The following CDK5RAP2 variants were observed in gnomAD, a reference collection of about 807,000 sequenced individuals.
CDK5RAP2 encodes CDK5 regulatory subunit-associated protein 2.
In CDK5RAP2, 147 loss-of-function variants were observed where a neutral mutation model predicts 232.9. The observed-to-expected ratio is 0.63, with a 90% CI of 0.55 to 0.72. The LOEUF (loss-of-function observed/expected upper bound fraction) is 0.72, where lower values mean the gene tolerates loss of function less well. CDK5RAP2 is among the 30% of genes least tolerant of loss of function. CDK5RAP2 has a pLI of 0.00. For missense variants in CDK5RAP2, 2,195 were observed against 2,231.5 expected (o/e 0.98, Z 0.33); for synonymous variants, 833 against 833.7 (o/e 1.00, Z 0.01).
At position 120,439,412 on chromosome 9, in the gene CDK5RAP2, G is replaced by T; in HGVS notation, c.3709C>A (p.Leu1237Ile). The T allele has an allele frequency of 1.2e-6, 2 of 1,613,950 alleles. No homozygotes were observed. The highest frequency in any genetic ancestry group is 1.3e-5 in the African/African-American group (1 of 75,054). Residue 1237 changes from leucine to isoleucine, a missense_variant, in exon 24 of 38, where the codon CTC becomes ATC. Coordinates refer to ENST00000349780, the MANE Select transcript of CDK5RAP2 (RefSeq NM_018249.6). ...IHNLQNKFRD[L>I]SPPRYDSLVQ... is the part of the protein sequence containing the mutation. ...GGTGGAACGTACCTGGGAGGTGAGA[G>T]ATCTCTGAACTTATTCTGCAGATTA...
At chr9:120,549,871 G>A (rs2041987408) in intron 4 of CDK5RAP2, among the ~76,000 whole-genome samples, 1 of 152,150 alleles carries the variant, frequency 6.6e-6, no homozygotes, top group Admixed American at 6.5e-5. Flanking sequence ...ACTTTCATAA[G>A]GGACAAAGAA....
At chr9:120,406,736 G>T in intron 32 of CDK5RAP2, 1 of 519,442 alleles carries the variant, frequency 1.9e-6, no homozygotes, top group East Asian at 3.2e-5. Context: ...GGACTAAATG[G>T]ATAGGAGGGA....
chr9:120,481,917 T>C (rs2038340028), intron 14 of CDK5RAP2, among the ~76,000 whole-genome samples: 1 of 152,230 alleles, frequency 6.6e-6, no homozygotes, highest in Non-Finnish European at 1.5e-5. Flanking sequence ...CTCAGAATGA[T>C]GCCCGGCTTG....
chr9:120,458,784 G>C (rs774451090), intron 19 of CDK5RAP2, among the ~76,000 whole-genome samples, 162 bp from the exon 20 acceptor site: 3 of 150,464 alleles, frequency 2.0e-5, no homozygotes, highest in Non-Finnish European at 4.4e-5. Context: ...AGGAGGAAGA[G>C]AGAGAGACAC....
chr9:120,536,617 A>G, intron 6 of CDK5RAP2, 91 bp from the exon 7 acceptor site: 1 of 1,232,794 alleles, frequency 8.1e-7, no homozygotes, highest in Non-Finnish European at 1.2e-6. Flanking sequence ...AATATTTATG[A>G]CTTCTTCTCC....
At chr9:120,533,791 T>C (rs1588591651) in intron 7 of CDK5RAP2, among the ~76,000 whole-genome samples, 2 of 90,038 alleles carry the variant, frequency 2.2e-5, no homozygotes, top group African/African-American at 4.7e-5. Flanking sequence ...GAGTTAAGAC[T>C]CCATCTAAAA....
In CDK5RAP2 at chr9:120,439,796, T is replaced by C. The variant is rs1296373708; in HGVS notation, c.3325A>G (p.Thr1109Ala). ...TGGATTTTCTGTTTTAAGTATTCTG[T>C]CTCATTTGAGGTATTAATGCTCTCT... Reference protein sequence around the residue: ...QSESINTSNETEYLKQKIHDL... With the variant: ...QSESINTSNEAEYLKQKIHDL... Residue 1109 changes from threonine (T) to alanine (A), a missense_variant, in exon 24 of 38, where the codon ACA (threonine) becomes GCA (alanine). Physicochemically the swap from Thr to Ala is moderately conservative, Grantham distance 58. Coordinates refer to ENST00000349780, the MANE Select transcript of CDK5RAP2 (RefSeq NM_018249.6). The C allele has an allele frequency of 6.2e-7, 1 of 1,614,178 alleles. No homozygotes were observed.
chr9:120,540,449 C>A (rs1461725290), intron 5 of CDK5RAP2, among the ~76,000 whole-genome samples: 6 of 152,122 alleles, frequency 3.9e-5, no homozygotes, highest in Non-Finnish European at 5.9e-5. Context: ...TTACTGAGAA[C>A]AATGGAAAGT....
rs184353462 is a variant in CDK5RAP2, at chr9:120,477,051, T to C, written c.1727+299A>G. Among the ~76,000 whole-genome samples, 13 of 152,368 alleles carry C rather than the reference T, an allele frequency of 8.5e-5. No homozygotes were observed. In the East Asian group the frequency reaches 2.5e-3, roughly 29 times the overall value. Reference sequence around the variant, plus strand: ...AGGCTGTGAGGATCATATGAGATAATACACATAGAAGCACTTTCTAAATAT... The same window carrying C: ...AGGCTGTGAGGATCATATGAGATAACACACATAGAAGCACTTTCTAAATAT... On this transcript the variant is annotated intron_variant, in intron 15 of 37. Transcript: ENST00000349780.
At chr9:120,394,381 A>C in intron 36 of CDK5RAP2, 131 bp downstream of exon 36, 1 of 1,427,768 alleles carries the variant, frequency 7.0e-7, no homozygotes, top group Non-Finnish European at 9.7e-7. Flanking sequence ...ATGGAGTATG[A>C]AAAGAAGCCC....
chr9:120,525,165 C>T (rs1225681685), intron 10 of CDK5RAP2, 87 bp from the exon 11 acceptor site: 6 of 1,015,864 alleles, frequency 5.9e-6, no homozygotes, highest in Admixed American at 3.7e-5. Flanking sequence ...TCAATTGTGT[C>T]GTGCTTATAA....
intron 4 of CDK5RAP2, among the ~76,000 whole-genome samples, chr9:120,546,653 A>T (rs2041853795): frequency 6.6e-6 from 1 of 152,102 alleles, no homozygotes; most frequent in Non-Finnish European, 1.5e-5. Flanking sequence ...ATTTAGAGGC[A>T]GAGTCTTGCT....
At position 120,493,537 on chromosome 9, in the gene CDK5RAP2, A is replaced by G. The variant is rs537660999; in HGVS notation, c.1312-2060T>C. The stretch of plus-strand genomic sequence containing the variant: ...TAGTAACATCACAAAAAGAGGGACT[A>G]TCAAATATTTGAAAGTACAAATGAC... On this transcript the variant is annotated intron_variant, in intron 12 of 37. Transcript: ENST00000349780. Among the ~76,000 whole-genome samples, 4 of 152,370 alleles carry G rather than the reference A, an allele frequency of 2.6e-5. No homozygotes were observed. In the East Asian group the frequency reaches 7.7e-4, roughly 29 times the overall value.
In CDK5RAP2 at chr9:120,539,137, T is replaced by C. The variant is rs1188018567; in HGVS notation, c.411A>G (p.Ala137=). Residue 137 remains alanine, a synonymous_variant, in exon 6 of 38, where the codon GCA becomes GCG. Coordinates refer to ENST00000349780, the MANE Select transcript of CDK5RAP2 (RefSeq NM_018249.6). ...TCACCCGCTGGATTTCAGAGCCACC[T>C]GCTTCAGCTAAGCTCTCAACTGCTT... The part of the protein sequence containing the change: ...ASKAVESLAE[A]GGSEIQRVKE... 1.2e-6 allele frequency: 2 copies of C among 1,614,018 alleles called. No homozygotes were observed. The highest frequency in any genetic ancestry group is 2.2e-5 in the East Asian group (1 of 44,880).
Position 120,497,271 on chromosome 9 carries a change from T to C in CDK5RAP2, c.1312-5794A>G, listed in dbSNP as rs1360989002. Among the ~76,000 whole-genome samples the C allele has an allele frequency of 2.3e-5, 3 of 129,398 alleles. 1 individual carries two copies. Among genetic ancestry groups the C allele is most frequent in the African/African-American group, 1.1e-4 (3 of 27,506 alleles). 84.9% of individuals were successfully genotyped at this position (129,398 alleles called of 152,430 possible). A position where few individuals can be genotyped will look rare whatever the true frequency, so the allele number is the denominator to read the frequency against. On this transcript the variant is annotated intron_variant, in intron 12 of 37. Transcript: ENST00000349780. ...CTCAAGTAATCAGGGACACAAACACTGTGGAAGGCCGCAGGGTCCTCTGCC... is the reference window on the plus strand; with the variant it reads ...CTCAAGTAATCAGGGACACAAACACCGTGGAAGGCCGCAGGGTCCTCTGCC...
intron 23 of CDK5RAP2, chr9:120,440,428 C>G: frequency 4.9e-6 from 1 of 205,578 alleles, no homozygotes; most frequent in Non-Finnish European, 1.0e-5. Flanking sequence ...TTGCATGGGC[C>G]GTGCCCTCTG....
intron 12 of CDK5RAP2, among the ~76,000 whole-genome samples, chr9:120,507,636 G>A (rs1449399422): frequency 6.6e-6 from 1 of 151,922 alleles, no homozygotes; most frequent in Non-Finnish European, 1.5e-5. Context: ...ACCATCCTAA[G>A]GAATCTGCAG....
chr9:120,473,109 C>A (rs1038489092), intron 15 of CDK5RAP2, among the ~76,000 whole-genome samples: 4 of 152,328 alleles, frequency 2.6e-5, no homozygotes, highest in Middle Eastern at 3.4e-3. Context: ...AATAATGCTT[C>A]ACTGTCCATC....
chr9:120,442,447 G>C (rs1283459878), intron 23 of CDK5RAP2, among the ~76,000 whole-genome samples: 1 of 152,188 alleles, frequency 6.6e-6, no homozygotes, highest in African/African-American at 2.4e-5. Context: ...GATGTCACAC[G>C]CAGCACCCAG....
Sources: allele counts gnomAD v4.1 joint callset (sites outside exome capture counted in the v4.1 genomes callset), GRCh38; gene constraint gnomAD v4.1.1; transcripts MANE v1.5; gene names NCBI Gene and HGNC (gene_info 2026-07-23, HGNC 2026-07-21).